MINDY2: variants seen among roughly 807,000 people sequenced by gnomAD.
The protein encoded by MINDY2 is MINDY lysine 48 deubiquitinase 2, also known as ubiquitin carboxyl-terminal hydrolase MINDY-2.
A neutral mutation model predicts 68.2 loss-of-function variants in MINDY2; 52 were observed. The observed-to-expected ratio is 0.76, with a 90% CI of 0.61 to 0.96. The LOEUF is 0.96. MINDY2 is among the 40% of genes least tolerant of loss of function. MINDY2 has a pLI of 0.00. For synonymous variants in MINDY2, 372 were observed against 303.0 expected, an observed-to-expected ratio of 1.23 and a Z score of -2.36; for missense variants, 881 against 773.4, an observed-to-expected ratio of 1.14 and a Z score of -1.65.
At chr15:58,817,199 T>C (rs188311431) in intron 4 of MINDY2, among the ~76,000 whole-genome samples, 54 of 152,214 alleles carry the variant, frequency 3.5e-4, no homozygotes, top group Non-Finnish European at 6.5e-4. Flanking sequence ...AGAAGATGAA[T>C]TGCAACTTTA....
chr15:58,799,936 T>G (rs1219967387), intron 2 of MINDY2, among the ~76,000 whole-genome samples: 1 of 152,198 alleles, frequency 6.6e-6, no homozygotes, highest in Non-Finnish European at 1.5e-5. Flanking sequence ...CCATCTAAAA[T>G]TGTTAGTATG....
At chr15:58,818,752 GTC>G (rs1313361288) in intron 4 of MINDY2, among the ~76,000 whole-genome samples, 24 of 147,300 alleles carry the variant, frequency 1.6e-4, no homozygotes, top group Non-Finnish European at 3.0e-5. Context: ...TGATCCTCCT[GTC>G]TCAGCCTCCC....
chr15:58,804,065 C>T (rs1595729754), intron 3 of MINDY2, among the ~76,000 whole-genome samples: 1 of 149,528 alleles, frequency 6.7e-6, no homozygotes, highest in Non-Finnish European at 1.5e-5. Flanking sequence ...GGAGGCAGAG[C>T]TTGGAGTGAG....
intron 6 of MINDY2, among the ~76,000 whole-genome samples, chr15:58,833,805 A>C (rs2031861145): frequency 6.6e-6 from 1 of 151,866 alleles, no homozygotes; most frequent in African/African-American, 2.4e-5. Context: ...CAGGAGACAG[A>C]AGCCTTCCTC....
intron 3 of MINDY2, among the ~76,000 whole-genome samples, chr15:58,807,104 A>G (rs1197110724): frequency 6.6e-6 from 1 of 152,114 alleles, no homozygotes; most frequent in Non-Finnish European, 1.5e-5. Flanking sequence ...TTCAAAGAGA[A>G]TCCGTAGTTT....
intron 7 of MINDY2, among the ~76,000 whole-genome samples, chr15:58,851,062 C>T (rs1453988380): frequency 6.6e-6 from 1 of 152,186 alleles, no homozygotes; most frequent in Non-Finnish European, 1.5e-5. Flanking sequence ...CAACCTCTGC[C>T]TCCCAGGTTC....
At chr15:58,775,762 GGTTGT>G (rs1900733652) in intron 1 of MINDY2, among the ~76,000 whole-genome samples, 1 of 152,076 alleles carries the variant, frequency 6.6e-6, no homozygotes, top group Non-Finnish European at 1.5e-5. Context: ...GCCAAAGTTT[GGTTGT>G]GTTGAGTTGG....
chr15:58,814,447 C>G (rs936361513), intron 4 of MINDY2, among the ~76,000 whole-genome samples: 1 of 151,850 alleles, frequency 6.6e-6, no homozygotes, highest in African/African-American at 2.4e-5. Flanking sequence ...AGTGCAGTGG[C>G]ATGATCATAG....
At position 58,819,004 on chromosome 15, in the gene MINDY2, T is replaced by G. The variant is rs150470952; in HGVS notation, c.1123-2713T>G. ...GGGTTTTGTTTTGTTTTAGAGACAG[T>G]GTCTTGCTGCATTGCCCAGGCTGAT... On this transcript the variant is annotated intron_variant, in intron 4 of 8. Transcript: ENST00000559228. Among the ~76,000 whole-genome samples, 1,443 of 152,184 alleles carry G rather than the reference T, an allele frequency of 9.5e-3. 18 individuals carry two copies. Among genetic ancestry groups the G allele is most frequent in the African/African-American group, 0.033 (1,371 of 41,524 alleles).
Position 58,787,914 on chromosome 15 carries a change from TCCA to T in MINDY2, c.852_854del (p.Pro285del). 6.3e-7 allele frequency: 1 copy of T among 1,595,574 alleles called. No homozygotes were observed. The highest frequency in any genetic ancestry group is 8.5e-7 in the Non-Finnish European group (1 of 1,172,302). On this transcript the variant is annotated inframe_deletion, in exon 2 of 9. Coordinates refer to ENST00000559228, the MANE Select transcript of MINDY2 (RefSeq NM_001040450.3). ...AATATTTTGTTTTTCAGGTGAAACT[TCCA>T]CCGATGATGGAAATCATAACTGCTG...
intron 5 of MINDY2, among the ~76,000 whole-genome samples, chr15:58,828,645 T>C (rs900549574): frequency 5.7e-5 from 8 of 141,058 alleles, no homozygotes; most frequent in Non-Finnish European, 9.1e-5. Flanking sequence ...CACTGAAAGC[T>C]CCGCCTCCCA....
chr15:58,828,783 G>T (rs1262806668), intron 5 of MINDY2, among the ~76,000 whole-genome samples: 1 of 151,592 alleles, frequency 6.6e-6, no homozygotes, highest in Non-Finnish European at 1.5e-5. Context: ...GGATGGTCTC[G>T]ATCTCCTGAC....
chr15:58,856,029 G>T lies in MINDY2; in HGVS notation c.*1419G>T, dbSNP rs2033051726. ...ACCTCATAGTGTTTATAAGAACTCAGAAATAATATTTATTTAACTTTATTA... is the reference window on the plus strand; with the variant it reads ...ACCTCATAGTGTTTATAAGAACTCATAAATAATATTTATTTAACTTTATTA... On this transcript the variant is annotated 3_prime_UTR_variant, in exon 9 of 9. Transcript: ENST00000559228. The T allele has an allele frequency of 6.6e-6, 1 of 152,552 alleles. No individual in the cohort carries two copies. Among genetic ancestry groups the T allele is most frequent in the African/African-American group, 2.4e-5 (1 of 41,424 alleles). 9.4% of individuals were successfully genotyped at this position (152,552 alleles called of 1,614,324 possible).
chr15:58,788,284 A>G (rs1489560268), intron 2 of MINDY2, among the ~76,000 whole-genome samples: 1 of 152,200 alleles, frequency 6.6e-6, no homozygotes, highest in Non-Finnish European at 1.5e-5. Context: ...AGTGTTCAAA[A>G]ATATTGGGTA....
intron 7 of MINDY2, among the ~76,000 whole-genome samples, chr15:58,848,077 AT>A (rs10719398): frequency 0.96 from 137,495 of 143,952 alleles, 65,747 homozygotes; most frequent in East Asian, 0.99. Context: ...GACAGATGAG[AT>A]TTTTTTTTTT....
At chr15:58,772,335 A>G in intron 1 of MINDY2, 100 bp downstream of exon 1, 4 of 1,510,414 alleles carry the variant, frequency 2.6e-6, no homozygotes, top group Non-Finnish European at 3.6e-6. Context: ...TTCTTTCCTC[A>G]TTCATCAGTC....
At chr15:58,783,655 C>G (rs773544806) in intron 1 of MINDY2, among the ~76,000 whole-genome samples, 1 of 152,060 alleles carries the variant, frequency 6.6e-6, no homozygotes, top group Admixed American at 6.6e-5. Flanking sequence ...CAGAATGGTC[C>G]GGGCATGGTG....
chr15:58,812,547 G>T (rs2030362655), intron 4 of MINDY2, among the ~76,000 whole-genome samples: 1 of 151,738 alleles, frequency 6.6e-6, no homozygotes, highest in Non-Finnish European at 1.5e-5. Flanking sequence ...ATCAAAACCA[G>T]GAAATTGACA....
intron 3 of MINDY2, 130 bp downstream of exon 3, chr15:58,802,507 G>A (rs1902734879): frequency 1.9e-6 from 1 of 536,130 alleles, no homozygotes; most frequent in Non-Finnish European, 3.3e-6. Flanking sequence ...CAAGCCACAT[G>A]TGGTCAGTCT....
Sources: allele counts gnomAD v4.1 joint callset (sites outside exome capture counted in the v4.1 genomes callset), GRCh38; gene constraint gnomAD v4.1.1; transcripts MANE v1.5; gene names NCBI Gene and HGNC (gene_info 2026-07-23, HGNC 2026-07-21).